Variants in TMC1 observed in about 807,000 individuals in gnomAD.
The protein encoded by TMC1 is transmembrane channel like 1.
In TMC1, 84 loss-of-function variants were observed where a neutral mutation model predicts 105.8. The observed-to-expected ratio is 0.79, with a 90% CI of 0.67 to 0.95. TMC1 has a LOEUF of 0.95. Among genes scored for constraint, TMC1 ranks in the 40% least tolerant of loss-of-function variants. The probability of loss-of-function intolerance (pLI) is 0.00; values close to 1 mark genes in which losing one functional copy is unlikely to be tolerated. For synonymous variants in TMC1, 315 were observed against 311.5 expected, an observed-to-expected ratio of 1.01 and a Z score of -0.12; for missense variants, 817 against 914.1, an observed-to-expected ratio of 0.89 and a Z score of 1.37.
At chr9:72,679,882 A>G (rs1826260177) in intron 5 of TMC1, among the ~76,000 whole-genome samples, 1 of 152,094 alleles carries the variant, frequency 6.6e-6, no homozygotes, top group Non-Finnish European at 1.5e-5. Context: ...AGGTCTTATC[A>G]GATAAAAAAA....
At chr9:72,537,957 A>G (rs1390386329) in intron 1 of TMC1, among the ~76,000 whole-genome samples, 2 of 152,018 alleles carry the variant, frequency 1.3e-5, no homozygotes, top group Non-Finnish European at 2.9e-5. Flanking sequence ...TCTGTTTGAG[A>G]TCAGCCTGGG....
intron 1 of TMC1, among the ~76,000 whole-genome samples, chr9:72,528,365 G>A (rs948282008): frequency 1.4e-5 from 2 of 146,646 alleles, no homozygotes; most frequent in South Asian, 2.1e-4. Context: ...ACGGAGTTTC[G>A]CTCTTGTTGC....
rs1829144314 is a variant in TMC1, at chr9:72,837,509, T to C, written c.*1536T>C. ...CATATCCTGTAAGCTTGGATTCTAA[T>C]GTTCTATAATTTTTTTCTTTGCTTT... is the stretch of plus-strand genomic sequence containing the variant. On this transcript the variant is annotated 3_prime_UTR_variant, in exon 24 of 24. Coordinates refer to ENST00000297784, the MANE Select transcript of TMC1 (RefSeq NM_138691.3). 1 of 152,312 alleles carries C rather than the reference T, an allele frequency of 6.6e-6. No individual in the cohort carries two copies. Among genetic ancestry groups the C allele is most frequent in the South Asian group, 2.1e-4 (1 of 4,830 alleles). 9.4% of individuals were successfully genotyped at this position (152,312 alleles called of 1,614,324 possible).
chr9:72,589,189 T>TA (rs1214421951), intron 2 of TMC1, among the ~76,000 whole-genome samples: 5 of 152,216 alleles, frequency 3.3e-5, no homozygotes, highest in African/African-American at 1.2e-4. Flanking sequence ...TAGCTGGTCT[T>TA]ACCTCCTAGC....
At chr9:72,602,219 G>A (rs1824828054) in intron 2 of TMC1, among the ~76,000 whole-genome samples, 1 of 152,022 alleles carries the variant, frequency 6.6e-6, no homozygotes, top group Non-Finnish European at 1.5e-5. Flanking sequence ...GACACAGGTG[G>A]TTTTAGTATA....
chr9:72,576,625 T>TC (rs1436696976), intron 1 of TMC1, among the ~76,000 whole-genome samples: 1 of 128,854 alleles, frequency 7.8e-6, no homozygotes, highest in African/African-American at 3.3e-5. Flanking sequence ...TTTCTTTTTT[T>TC]TTTTTTTCTT....
intron 1 of TMC1, among the ~76,000 whole-genome samples, chr9:72,531,464 G>A (rs1488393124): frequency 6.6e-6 from 1 of 152,162 alleles, no homozygotes; most frequent in African/African-American, 2.4e-5. Flanking sequence ...TATTAACTCA[G>A]GATGATGTTA....
intron 12 of TMC1, among the ~76,000 whole-genome samples, chr9:72,759,308 T>C (rs1387610076): frequency 6.6e-6 from 1 of 152,080 alleles, no homozygotes; most frequent in African/African-American, 2.4e-5. Flanking sequence ...TTTGTCTAAG[T>C]GCCTCCTATA....
At chr9:72,777,206 A>T (rs903169221) in intron 13 of TMC1, among the ~76,000 whole-genome samples, 18 of 152,080 alleles carry the variant, frequency 1.2e-4, no homozygotes, top group Admixed American at 2.6e-4. Flanking sequence ...GACAGTTATG[A>T]CCTACCTGAT....
intron 8 of TMC1, among the ~76,000 whole-genome samples, chr9:72,713,856 T>A (rs13285607): frequency 0.024 from 3,651 of 152,226 alleles, 79 homozygotes; most frequent in Middle Eastern, 0.044. Context: ...TTAATTGTGA[T>A]TTTAGGGTGT....
chr9:72,723,468 A>G (rs1161829589), intron 8 of TMC1, among the ~76,000 whole-genome samples: 1 of 152,216 alleles, frequency 6.6e-6, no homozygotes, highest in Admixed American at 6.5e-5. Flanking sequence ...AAGTATTTAC[A>G]GCTATAAACT....
intron 1 of TMC1, among the ~76,000 whole-genome samples, chr9:72,554,138 C>G (rs1823895500): frequency 6.6e-6 from 1 of 152,116 alleles, no homozygotes; most frequent in African/African-American, 2.4e-5. Context: ...TTTCCCCAGT[C>G]AGAAGCACTG....
At chr9:72,743,666 T>C (rs1564526477) in intron 10 of TMC1, among the ~76,000 whole-genome samples, 2 of 151,934 alleles carry the variant, frequency 1.3e-5, no homozygotes, top group Non-Finnish European at 2.9e-5. Flanking sequence ...TCCAGGAGCT[T>C]GCTATCTGAA....
chr9:72,792,748 G>A (rs988451441), intron 17 of TMC1, among the ~76,000 whole-genome samples: 1 of 152,098 alleles, frequency 6.6e-6, no homozygotes, highest in Non-Finnish European at 1.5e-5. Flanking sequence ...AACAAAAACA[G>A]AGTCTTGGGG....
chr9:72,742,962 G>A (rs1028098692), intron 10 of TMC1, among the ~76,000 whole-genome samples: 1 of 152,322 alleles, frequency 6.6e-6, no homozygotes, highest in East Asian at 1.9e-4. Flanking sequence ...TAGTCTGGGC[G>A]CAGTGGTTCA....
At chr9:72,549,558 T>A (rs1823825145) in intron 1 of TMC1, among the ~76,000 whole-genome samples, 6 of 151,828 alleles carry the variant, frequency 4.0e-5, no homozygotes, top group Admixed American at 2.0e-4. Flanking sequence ...TTCTCTTACT[T>A]CAGCCTCCTG....
Position 72,603,380 on chromosome 9 carries a change from C to G in TMC1, c.-305-12988C>G, listed in dbSNP as rs1162845883. Among the ~76,000 whole-genome samples, 6 of 120,866 alleles carry G rather than the reference C, an allele frequency of 5.0e-5. No individual in the cohort carries two copies. In the South Asian group the frequency reaches 1.2e-3, roughly 25 times the overall value. 79.3% of individuals were successfully genotyped at this position (120,866 alleles called of 152,430 possible). On this transcript the variant is annotated intron_variant, in intron 2 of 23. Coordinates refer to ENST00000297784, the MANE Select transcript of TMC1 (RefSeq NM_138691.3). ...GCAAACTAACTTACTCCTTCTCTCT[C>G]CCCACTACACACACACACACACACA...
chr9:72,810,688 G>A (rs1828688337), intron 18 of TMC1, among the ~76,000 whole-genome samples: 1 of 152,110 alleles, frequency 6.6e-6, no homozygotes, highest in Non-Finnish European at 1.5e-5. Flanking sequence ...ATTTCCCAAT[G>A]CTATTAACTG....
chr9:72,726,612 T>C (rs1005056132), intron 8 of TMC1, among the ~76,000 whole-genome samples: 1 of 152,206 alleles, frequency 6.6e-6, no homozygotes, highest in African/African-American at 2.4e-5. Flanking sequence ...CAATCAAATT[T>C]ACCTGGTAGT....
Sources: allele counts gnomAD v4.1 joint callset (sites outside exome capture counted in the v4.1 genomes callset), GRCh38; gene constraint gnomAD v4.1.1; transcripts MANE v1.5; gene names NCBI Gene and HGNC (gene_info 2026-07-23, HGNC 2026-07-21).